Variants in SNX29 observed in about 807,000 individuals in gnomAD.
SNX29 encodes sorting nexin 29.
SNX29 carries 78 observed loss-of-function variants against 102.1 expected under a neutral mutation model. That is an observed-to-expected ratio of 0.76 (90% CI 0.64 to 0.92). SNX29 has a LOEUF of 0.92. Among genes scored for constraint, SNX29 ranks in the 40% least tolerant of loss-of-function variants. SNX29 has a pLI of 0.00. For synonymous variants in SNX29, 580 were observed against 414.5 expected, an observed-to-expected ratio of 1.40 and a Z score of -4.85; for missense variants, 1,280 against 1,061.7, an observed-to-expected ratio of 1.21 and a Z score of -2.86.
intron 13 of SNX29, among the ~76,000 whole-genome samples, chr16:12,165,635 A>T (rs1326977126): frequency 6.6e-6 from 1 of 152,182 alleles, no homozygotes; most frequent in East Asian, 1.9e-4. Flanking sequence ...ATCTTGGCCC[A>T]CTGCAACCTC....
intron 10 of SNX29, 75 bp from the exon 11 acceptor site, chr16:12,078,758 T>TG: frequency 7.7e-7 from 1 of 1,294,400 alleles, no homozygotes; most frequent in Non-Finnish European, 1.1e-6. Context: ...AACCGACCTC[T>TG]GCTAGTTTTT....
At chr16:12,568,428 A>T in intron 20 of SNX29, 78 bp from the exon 21 acceptor site, 1 of 1,575,636 alleles carries the variant, frequency 6.3e-7, no homozygotes, top group East Asian at 2.2e-5. Flanking sequence ...CTGCCCTCAC[A>T]CCTGGCTCCC....
At chr16:12,540,239 C>G (rs1432722460) in intron 20 of SNX29, among the ~76,000 whole-genome samples, 2 of 152,136 alleles carry the variant, frequency 1.3e-5, no homozygotes, top group Non-Finnish European at 2.9e-5. Context: ...GGCTGACCCG[C>G]TCCCCCCACC....
At chr16:12,227,500 A>G (rs984271771) in intron 14 of SNX29, among the ~76,000 whole-genome samples, 1 of 152,202 alleles carries the variant, frequency 6.6e-6, no homozygotes, top group African/African-American at 2.4e-5. Context: ...AATTCTGTCA[A>G]CATTTGCTGA....
At chr16:12,182,186 C>G (rs903575159) in intron 13 of SNX29, among the ~76,000 whole-genome samples, 2 of 120,518 alleles carry the variant, frequency 1.7e-5, no homozygotes, top group East Asian at 2.6e-4. Context: ...TGTGCCCGGC[C>G]TAGTTTTTTT....
At chr16:12,529,589 G>T (rs1310586082) in intron 20 of SNX29, among the ~76,000 whole-genome samples, 1 of 152,150 alleles carries the variant, frequency 6.6e-6, no homozygotes, top group African/African-American at 2.4e-5. Context: ...AAAGTTAGGG[G>T]GCTGGAAGGT....
chr16:12,071,004 A>G (rs1415343051), intron 10 of SNX29, among the ~76,000 whole-genome samples: 1 of 151,870 alleles, frequency 6.6e-6, no homozygotes, highest in African/African-American at 2.4e-5. Context: ...TCCTTTGCCC[A>G]CTTTTTGATG....
intron 14 of SNX29, among the ~76,000 whole-genome samples, chr16:12,246,627 C>G (rs532885159): frequency 1.3e-5 from 2 of 152,104 alleles, no homozygotes; most frequent in Non-Finnish European, 2.9e-5. Context: ...GACTCCATCT[C>G]CATAAAAAAG....
At chr16:12,369,140 CTTT>C (rs373599269) in intron 16 of SNX29, among the ~76,000 whole-genome samples, 4 of 145,990 alleles carry the variant, frequency 2.7e-5, no homozygotes, top group African/African-American at 1.0e-4. Context: ...ATGTTCATAT[CTTT>C]TTTTTTTTTT....
At chr16:12,141,013 G>A (rs2054849363) in intron 13 of SNX29, among the ~76,000 whole-genome samples, 1 of 152,194 alleles carries the variant, frequency 6.6e-6, no homozygotes, top group African/African-American at 2.4e-5. Context: ...AGTACATATT[G>A]GTCTGGCGCA....
In SNX29 at chr16:12,196,622, CTTTTT is replaced by C. The variant is rs34779383; in HGVS notation, c.1596-2967_1596-2963del. 3.9e-5 allele frequency among the ~76,000 whole-genome samples: 5 copies of C among 129,668 alleles called. No individual in the cohort carries two copies. In the South Asian group the frequency reaches 9.7e-4, roughly 25 times the overall value. The allele number at this position is 129,668 out of a possible 152,430, so 85.1% of individuals were successfully genotyped here. A position where few individuals can be genotyped will look rare whatever the true frequency, so the allele number is the denominator to read the frequency against. ...TTTTTACTTTTCTTTTTTCTTTTTT[CTTTTT>C]TTTTTTTTTTTGGAGACGGAGTCTC... On this transcript the variant is annotated intron_variant, in intron 13 of 20. Coordinates refer to ENST00000566228, the MANE Select transcript of SNX29 (RefSeq NM_032167.5).
chr16:12,549,420 G>T (rs1224782331), intron 20 of SNX29, among the ~76,000 whole-genome samples: 1 of 152,206 alleles, frequency 6.6e-6, no homozygotes, highest in South Asian at 2.1e-4. Flanking sequence ...TCTTGAACCT[G>T]GGAGGTGGAG....
At chr16:12,018,830 C>G (rs2056928852) in intron 3 of SNX29, among the ~76,000 whole-genome samples, 1 of 150,272 alleles carries the variant, frequency 6.7e-6, no homozygotes, top group African/African-American at 2.5e-5. Flanking sequence ...TCAAGCTGTT[C>G]TCCTGCCGAT....
At chr16:12,525,092 G>T (rs563644951) in intron 20 of SNX29, among the ~76,000 whole-genome samples, 1 of 152,158 alleles carries the variant, frequency 6.6e-6, no homozygotes, top group East Asian at 1.9e-4. Context: ...AGAAACTTGG[G>T]GCTCTGTGAT....
At chr16:12,179,409 C>T (rs2141823399) in intron 13 of SNX29, among the ~76,000 whole-genome samples, 1 of 152,330 alleles carries the variant, frequency 6.6e-6, no homozygotes, top group African/African-American at 2.4e-5. Context: ...CGCCTGAGCC[C>T]AGGAGTTGGA....
intron 20 of SNX29, among the ~76,000 whole-genome samples, chr16:12,567,163 T>C (rs1258818932): frequency 6.6e-6 from 1 of 152,110 alleles, no homozygotes; most frequent in African/African-American, 2.4e-5. Flanking sequence ...CAGCTGGGGG[T>C]GGATGTTCCT....
chr16:12,020,502 T>C (rs9926255), intron 3 of SNX29, among the ~76,000 whole-genome samples: 5,172 of 152,110 alleles, frequency 0.034, 290 homozygotes, highest in African/African-American at 0.12. Context: ...GCGCCCCACC[T>C]GTTCTTAGAT....
At chr16:12,142,198 A>G (rs1039165930) in intron 13 of SNX29, among the ~76,000 whole-genome samples, 1 of 152,118 alleles carries the variant, frequency 6.6e-6, no homozygotes, top group Non-Finnish European at 1.5e-5. Context: ...CACTGAACCC[A>G]CTGTTGAGCA....
chr16:12,132,937 C>T (rs572578374), intron 13 of SNX29, among the ~76,000 whole-genome samples: 1 of 152,352 alleles, frequency 6.6e-6, no homozygotes, highest in Non-Finnish European at 1.5e-5. Flanking sequence ...TCAGAACTTT[C>T]TTCTTGCTTC....
Sources: allele counts gnomAD v4.1 joint callset (sites outside exome capture counted in the v4.1 genomes callset), GRCh38; gene constraint gnomAD v4.1.1; transcripts MANE v1.5; gene names NCBI Gene and HGNC (gene_info 2026-07-23, HGNC 2026-07-21).